TRPC7: variants seen among roughly 807,000 people sequenced by gnomAD.
TRPC7 encodes the protein short transient receptor potential channel 7.
A neutral mutation model predicts 90.1 loss-of-function variants in TRPC7; 42 were observed. The observed-to-expected ratio is 0.47, with a 90% CI of 0.36 to 0.60. TRPC7 has a LOEUF of 0.60. Among genes scored for constraint, TRPC7 ranks in the 20% least tolerant of loss-of-function variants. TRPC7 has a pLI of 0.00. For missense variants in TRPC7, 955 were observed against 1,112.3 expected, an observed-to-expected ratio of 0.86 and a Z score of 2.01; for synonymous variants, 451 against 436.3, an observed-to-expected ratio of 1.03 and a Z score of -0.42.
intron 3 of TRPC7, among the ~76,000 whole-genome samples, chr5:136,313,825 A>G (rs1299990720): frequency 1.3e-5 from 2 of 152,190 alleles, no homozygotes; most frequent in Non-Finnish European, 2.9e-5. Context: ...ACTGGAGCCA[A>G]TCATTTCCCT....
chr5:136,316,014 G>A (rs1759012676), intron 2 of TRPC7: 2 of 521,308 alleles, frequency 3.8e-6, no homozygotes, highest in South Asian at 5.6e-5. Context: ...GTGGTCCATG[G>A]GCCACCTGCA....
At chr5:136,312,372 C>A (rs993307075) in intron 3 of TRPC7, among the ~76,000 whole-genome samples, 2 of 152,162 alleles carry the variant, frequency 1.3e-5, no homozygotes, top group Non-Finnish European at 2.9e-5. Context: ...ACCCTAGAGT[C>A]CCAAGAAAGG....
At chr5:136,240,096 T>A (rs1756113383) in intron 7 of TRPC7, among the ~76,000 whole-genome samples, 1 of 152,182 alleles carries the variant, frequency 6.6e-6, no homozygotes, top group Non-Finnish European at 1.5e-5. Context: ...ACAATCTAGC[T>A]CCCACCTGAT....
Position 136,294,918 on chromosome 5 carries a change from A to C in TRPC7, c.964-20081T>G, listed in dbSNP as rs1036853164. 2.6e-5 allele frequency among the ~76,000 whole-genome samples: 4 copies of C among 152,390 alleles called. No individual in the cohort carries two copies. In the South Asian group the frequency reaches 8.3e-4, roughly 32 times the overall value. On this transcript the variant is annotated intron_variant, in intron 3 of 11. Coordinates refer to ENST00000513104, the MANE Select transcript of TRPC7 (RefSeq NM_020389.3). Reference sequence around the variant, plus strand: ...TGTCCAGCAATGATAGACTGGATTAAGAAAATGTGGCACATATACACCATT... The same window carrying C: ...TGTCCAGCAATGATAGACTGGATTACGAAAATGTGGCACATATACACCATT...
intron 3 of TRPC7, among the ~76,000 whole-genome samples, chr5:136,300,718 C>T (rs890508027): frequency 2.6e-5 from 4 of 152,192 alleles, no homozygotes; most frequent in African/African-American, 9.6e-5. Context: ...CTAGGGCCAG[C>T]CTGGAACATC....
At position 136,351,507 on chromosome 5, in the gene TRPC7, A is replaced by G. The variant is rs145113156; in HGVS notation, c.780+5101T>C. On this transcript the variant is annotated intron_variant, in intron 2 of 11. Transcript: ENST00000513104. ...TTGAAAGTATGTGAGAAACTGGTGC[A>G]AACACTGAAAGCTGGGGCAATAGGC... 5.3e-5 allele frequency among the ~76,000 whole-genome samples: 8 copies of G among 152,376 alleles called. No homozygotes were observed. The East Asian group carries it at 1.5e-3, about 29-fold the overall frequency.
chr5:136,219,698 A>G (rs1755389531), intron 10 of TRPC7, among the ~76,000 whole-genome samples: 1 of 152,226 alleles, frequency 6.6e-6, no homozygotes, highest in African/African-American at 2.4e-5. Context: ...CCTGGGAGGT[A>G]GAAGTTGCAG....
At chr5:136,258,890 C>G (rs1056024670) in intron 5 of TRPC7, among the ~76,000 whole-genome samples, 2 of 152,194 alleles carry the variant, frequency 1.3e-5, no homozygotes, top group African/African-American at 4.8e-5. Flanking sequence ...AGTTTGAACT[C>G]GCAGGAGAGA....
At chr5:136,220,921 A>AATTG (rs1250151485) in intron 10 of TRPC7, among the ~76,000 whole-genome samples, 1 of 152,160 alleles carries the variant, frequency 6.6e-6, no homozygotes, top group Non-Finnish European at 1.5e-5. Context: ...CAGATGGCCG[A>AATTG]CAATTATGGA....
chr5:136,213,367 G>T lies in TRPC7; in HGVS notation c.*68C>A, dbSNP rs969361427. 28 of 1,544,940 alleles carry T rather than the reference G, an allele frequency of 1.8e-5. No individual in the cohort carries two copies. The South Asian group carries it at 3.1e-4, about 17-fold the overall frequency. ...GGGCTGGGGACCCCTCCCCACCAAGGATGGGGGCGAGGGCATCCAACCTGG... is the reference window on the plus strand; with the variant it reads ...GGGCTGGGGACCCCTCCCCACCAAGTATGGGGGCGAGGGCATCCAACCTGG... On this transcript the variant is annotated 3_prime_UTR_variant, in exon 12 of 12. Transcript: ENST00000513104.
chr5:136,315,951 C>T (rs1173499280), intron 2 of TRPC7, 172 bp from the exon 3 acceptor site: 3 of 638,340 alleles, frequency 4.7e-6, no homozygotes, highest in South Asian at 4.1e-5. Flanking sequence ...GGGGCAATTT[C>T]TCTTGACACG....
intron 2 of TRPC7, among the ~76,000 whole-genome samples, chr5:136,332,070 T>C (rs969141317): frequency 2.6e-5 from 4 of 152,064 alleles, no homozygotes; most frequent in Admixed American, 6.5e-5. Context: ...CTATTTTATA[T>C]AGATGTGAAC....
chr5:136,360,301 C>T (rs142929020), intron 1 of TRPC7, among the ~76,000 whole-genome samples: 1 of 152,112 alleles, frequency 6.6e-6, no homozygotes, highest in Non-Finnish European at 1.5e-5. Flanking sequence ...CAAAACAAAA[C>T]AAAACAAAAC....
chr5:136,346,816 T>G (rs767389130), intron 2 of TRPC7, among the ~76,000 whole-genome samples: 2 of 152,152 alleles, frequency 1.3e-5, no homozygotes, highest in Non-Finnish European at 2.9e-5. Context: ...GTGCTTACCC[T>G]AATGTACTGA....
intron 3 of TRPC7, among the ~76,000 whole-genome samples, chr5:136,314,687 T>C (rs1037925578): frequency 3.9e-5 from 6 of 152,124 alleles, no homozygotes; most frequent in Admixed American, 2.6e-4. Context: ...ATTAAGATAA[T>C]CAGGAAACAG....
At chr5:136,321,587 A>G (rs1332580511) in intron 2 of TRPC7, among the ~76,000 whole-genome samples, 1 of 152,180 alleles carries the variant, frequency 6.6e-6, no homozygotes, top group Non-Finnish European at 1.5e-5. Flanking sequence ...AAAACTTAAA[A>G]ACTGATAATA....
intron 2 of TRPC7, among the ~76,000 whole-genome samples, chr5:136,351,520 TG>T (rs1159915657): frequency 6.6e-6 from 1 of 152,220 alleles, no homozygotes; most frequent in Non-Finnish European, 1.5e-5. Flanking sequence ...CACTGAAAGC[TG>T]GGGCAATAGG....
At chr5:136,266,089 T>C in intron 5 of TRPC7, 131 bp downstream of exon 5, 1 of 777,768 alleles carries the variant, frequency 1.3e-6, no homozygotes, top group South Asian at 1.7e-5. Flanking sequence ...GACTTTCTTG[T>C]TGGTCATCCA....
At chr5:136,353,452 C>A (rs963843433) in intron 2 of TRPC7, among the ~76,000 whole-genome samples, 2 of 152,078 alleles carry the variant, frequency 1.3e-5, no homozygotes, top group African/African-American at 4.8e-5. Context: ...CAGGTCATCT[C>A]CATAATATGT....
Sources: allele counts gnomAD v4.1 joint callset (sites outside exome capture counted in the v4.1 genomes callset), GRCh38; gene constraint gnomAD v4.1.1; transcripts MANE v1.5; gene names NCBI Gene and HGNC (gene_info 2026-07-23, HGNC 2026-07-21).